The following CSMD1 variants were observed in gnomAD, a reference collection of about 807,000 sequenced individuals.
CSMD1 encodes CUB and sushi domain-containing protein 1.
Under a neutral mutation model 417.5 loss-of-function variants are expected in CSMD1, and 213 were observed. The observed-to-expected ratio is 0.51, with a 90% CI of 0.46 to 0.57. CSMD1 has a LOEUF of 0.57. CSMD1 is among the 20% of genes least tolerant of loss of function. CSMD1 has a pLI of 0.00. For synonymous variants in CSMD1, 2,862 were observed against 1,736.8 expected (o/e 1.65, Z -16.11); for missense variants, 6,923 against 4,529.7 (o/e 1.53, Z -15.17).
At chr8:3,918,958 A>T (rs1187245705) in intron 5 of CSMD1, among the ~76,000 whole-genome samples, 1 of 152,046 alleles carries the variant, frequency 6.6e-6, no homozygotes, top group Non-Finnish European at 1.5e-5. Context: ...GTACATCAAA[A>T]TCTCACAAAT....
chr8:4,307,119 C>A (rs1391545712), intron 3 of CSMD1, among the ~76,000 whole-genome samples: 2 of 152,140 alleles, frequency 1.3e-5, no homozygotes, highest in African/African-American at 4.8e-5. Context: ...GGCCGGCTGC[C>A]TCCTTGTCTC....
intron 23 of CSMD1, among the ~76,000 whole-genome samples, chr8:3,337,467 C>T (rs1157350658): frequency 1.3e-5 from 2 of 152,118 alleles, no homozygotes; most frequent in African/African-American, 4.8e-5. Flanking sequence ...ATTTTGATGG[C>T]TTCAAAGATC....
intron 1 of CSMD1, among the ~76,000 whole-genome samples, chr8:4,905,685 T>TG (rs1244511080): frequency 6.6e-6 from 1 of 151,642 alleles, no homozygotes; most frequent in Non-Finnish European, 1.5e-5. Flanking sequence ...CCGGGCGTGG[T>TG]GGCGGGCGCC....
rs117943278 is a variant in CSMD1 at position 3,073,990 on chromosome 8, G to A, written c.7474+13107C>T. On this transcript the variant is annotated intron_variant, in intron 49 of 69. Coordinates refer to ENST00000635120, the MANE Select transcript of CSMD1 (RefSeq NM_033225.6). The stretch of plus-strand genomic sequence containing the variant: ...AAACAGCACACATTTATTCCAACAC[G>A]ATTTCTGCAGTTCAGGTACGGGCGT... Among the ~76,000 whole-genome samples, 415 of 152,298 alleles carry A rather than the reference G, an allele frequency of 2.7e-3. 1 individual carries two copies. The highest frequency in any genetic ancestry group is 4.6e-3 in the Non-Finnish European group (310 of 68,032).
At position 3,129,826 on chromosome 8, in the gene CSMD1, T is replaced by C. The variant is rs559824809; in HGVS notation, c.6242-11239A>G. 2.4e-3 allele frequency among the ~76,000 whole-genome samples: 363 copies of C among 152,140 alleles called. 1 individual carries two copies. Among genetic ancestry groups the C allele is most frequent in the South Asian group, 0.012 (57 of 4,818 alleles). On this transcript the variant is annotated intron_variant, in intron 41 of 69. Coordinates refer to ENST00000635120, the MANE Select transcript of CSMD1 (RefSeq NM_033225.6). ...CAAGATGGTGAAACCCTGTCTCTAC[T>C]AAAAATACAAAATTTAGCCGGGCAT...
chr8:4,006,403 G>A (rs910587121), intron 4 of CSMD1, among the ~76,000 whole-genome samples: 1 of 152,150 alleles, frequency 6.6e-6, no homozygotes, highest in Admixed American at 6.5e-5. Context: ...AAATAGCTGG[G>A]TGTGGTGGTC....
intron 3 of CSMD1, among the ~76,000 whole-genome samples, chr8:4,333,129 C>G (rs542011182): frequency 1.1e-3 from 161 of 152,114 alleles, no homozygotes; most frequent in African/African-American, 3.6e-3. Flanking sequence ...CAGGTGAAAT[C>G]CAGCAACACC....
chr8:3,670,093 A>G (rs921396187), intron 7 of CSMD1, among the ~76,000 whole-genome samples: 3 of 152,114 alleles, frequency 2.0e-5, no homozygotes, highest in Non-Finnish European at 4.4e-5. Context: ...GATTGGATTA[A>G]AGGATGCAAA....
chr8:3,572,435 GC>G (rs1196570443), intron 10 of CSMD1, among the ~76,000 whole-genome samples: 1 of 152,106 alleles, frequency 6.6e-6, no homozygotes, highest in Non-Finnish European at 1.5e-5. Context: ...TTCCTGGAGA[GC>G]CCCTGATTGC....
chr8:4,429,165 T>C (rs759156437), intron 2 of CSMD1, among the ~76,000 whole-genome samples: 1 of 150,716 alleles, frequency 6.6e-6, no homozygotes, highest in East Asian at 1.9e-4. Context: ...ATATATAATA[T>C]ATATTTATAT....
chr8:4,878,402 T>A (rs746887735), intron 1 of CSMD1, among the ~76,000 whole-genome samples: 3 of 152,048 alleles, frequency 2.0e-5, no homozygotes, highest in Non-Finnish European at 4.4e-5. Flanking sequence ...GCTTTCATTT[T>A]GTAGAAAGTA....
intron 3 of CSMD1, among the ~76,000 whole-genome samples, chr8:4,084,117 A>G (rs950528551): frequency 6.6e-6 from 1 of 152,220 alleles, no homozygotes; most frequent in Admixed American, 6.5e-5. Flanking sequence ...TAAAACCACA[A>G]TATGTCTGCT....
chr8:3,866,655 A>C (rs1439845617), intron 5 of CSMD1, among the ~76,000 whole-genome samples: 5 of 129,184 alleles, frequency 3.9e-5, no homozygotes, highest in Admixed American at 8.0e-5. Flanking sequence ...TTCAGGAAAT[A>C]ATAAGCTTAT....
At chr8:4,100,220 G>C (rs1022727712) in intron 3 of CSMD1, among the ~76,000 whole-genome samples, 8 of 152,150 alleles carry the variant, frequency 5.3e-5, no homozygotes, top group Admixed American at 5.2e-4. Context: ...AGATTATATA[G>C]TCTCTAGCAT....
chr8:3,493,102 G>A (rs189502844), intron 11 of CSMD1, among the ~76,000 whole-genome samples: 115 of 151,940 alleles, frequency 7.6e-4, no homozygotes, highest in African/African-American at 2.4e-3. Context: ...GAGACCAACC[G>A]GGCCAACATG....
At chr8:3,695,059 G>C (rs904044287) in intron 7 of CSMD1, among the ~76,000 whole-genome samples, 14 of 147,834 alleles carry the variant, frequency 9.5e-5, no homozygotes, top group African/African-American at 3.5e-4. Context: ...GTGGAAGAAA[G>C]AACATCACAA....
At chr8:4,314,620 C>G (rs1018106336) in intron 3 of CSMD1, among the ~76,000 whole-genome samples, 3 of 152,084 alleles carry the variant, frequency 2.0e-5, no homozygotes, top group Admixed American at 6.6e-5. Context: ...CACACACACA[C>G]ACACACAAAA....
At chr8:4,175,777 T>C (rs1798005557) in intron 3 of CSMD1, among the ~76,000 whole-genome samples, 1 of 152,158 alleles carries the variant, frequency 6.6e-6, no homozygotes, top group Admixed American at 6.5e-5. Context: ...TATAAAGTCA[T>C]GAATACTATG....
rs1470016381 is a variant in CSMD1, at chr8:3,717,573, T to A, written c.932-9082A>T. Among the ~76,000 whole-genome samples the A allele has an allele frequency of 6.6e-5, 10 of 152,266 alleles. No homozygotes were observed. In the East Asian group the frequency reaches 1.9e-3, roughly 29 times the overall value. On this transcript the variant is annotated intron_variant, in intron 6 of 69. Transcript: ENST00000635120. ...TATTGCAGAATATTTGAGAAAATTT[T>A]TAAATAATCAAGAAGAAAATGTAAC... is the stretch of plus-strand genomic sequence containing the variant.
Sources: allele counts gnomAD v4.1 joint callset (sites outside exome capture counted in the v4.1 genomes callset), GRCh38; gene constraint gnomAD v4.1.1; transcripts MANE v1.5; gene names NCBI Gene and HGNC (gene_info 2026-07-23, HGNC 2026-07-21).